The following GULP1 variants were observed in gnomAD, a reference collection of about 807,000 sequenced individuals.
GULP1 encodes PTB domain-containing engulfment adapter protein 1.
Under a neutral mutation model 40.9 loss-of-function variants are expected in GULP1, and 19 were observed. That is an observed-to-expected ratio of 0.46 (90% CI 0.32 to 0.68). GULP1 has a LOEUF of 0.68. GULP1 is among the 30% of genes least tolerant of loss of function. The pLI is 0.03. For synonymous variants in GULP1, 119 were observed against 117.6 expected, an observed-to-expected ratio of 1.01 and a Z score of -0.08; for missense variants, 312 against 362.2, an observed-to-expected ratio of 0.86 and a Z score of 1.12.
intron 1 of GULP1, among the ~76,000 whole-genome samples, chr2:188,331,268 T>G (rs2041539689): frequency 6.6e-6 from 1 of 152,306 alleles, no homozygotes; most frequent in East Asian, 1.9e-4. Flanking sequence ...ACCACATCCC[T>G]GAGACTAGTT....
intron 2 of GULP1, among the ~76,000 whole-genome samples, chr2:188,460,606 T>A (rs1164283540): frequency 6.6e-6 from 1 of 152,146 alleles, no homozygotes; most frequent in African/African-American, 2.4e-5. Flanking sequence ...ATAAAAATAG[T>A]TTGGCTTCTT....
At chr2:188,398,432 T>A (rs1222569154) in intron 2 of GULP1, among the ~76,000 whole-genome samples, 1 of 152,260 alleles carries the variant, frequency 6.6e-6, no homozygotes, top group Non-Finnish European at 1.5e-5. Context: ...TCTATATATG[T>A]AATACATCTG....
chr2:188,430,045 T>C (rs1054023184), intron 2 of GULP1, among the ~76,000 whole-genome samples: 51 of 152,308 alleles, frequency 3.3e-4, no homozygotes, highest in African/African-American at 1.2e-3. Context: ...CAGTGGTTAA[T>C]TTTTATAATT....
At chr2:188,312,512 GTA>G (rs1202844035) in intron 1 of GULP1, among the ~76,000 whole-genome samples, 2 of 152,194 alleles carry the variant, frequency 1.3e-5, no homozygotes, top group Non-Finnish European at 2.9e-5. Context: ...ATTCCATGGT[GTA>G]TATGTACCAC....
chr2:188,379,042 C>G (rs902126496), intron 1 of GULP1, among the ~76,000 whole-genome samples: 3 of 152,052 alleles, frequency 2.0e-5, no homozygotes, highest in African/African-American at 7.2e-5. Context: ...AATAACCAAA[C>G]GTTTCAAGGA....
At chr2:188,511,091 A>G (rs553133784) in intron 4 of GULP1, among the ~76,000 whole-genome samples, 3 of 152,262 alleles carry the variant, frequency 2.0e-5, no homozygotes, top group Admixed American at 1.3e-4. Flanking sequence ...TCCCTATTTT[A>G]TGAATGAGGA....
chr2:188,361,138 T>C (rs138640650), intron 1 of GULP1, among the ~76,000 whole-genome samples: 2 of 152,244 alleles, frequency 1.3e-5, no homozygotes, highest in East Asian at 3.9e-4. Context: ...TTCTGCTTTG[T>C]AAAATTATTT....
At chr2:188,566,168 A>C (rs2153423988) in intron 7 of GULP1, among the ~76,000 whole-genome samples, 1 of 152,230 alleles carries the variant, frequency 6.6e-6, no homozygotes, top group South Asian at 2.1e-4. Flanking sequence ...CCCCACCTCC[A>C]AAAATGTGAT....
At chr2:188,535,082 A>G (rs1247209671) in intron 6 of GULP1, among the ~76,000 whole-genome samples, 1 of 151,146 alleles carries the variant, frequency 6.6e-6, no homozygotes, top group Non-Finnish European at 1.5e-5. Flanking sequence ...ATTATTTAAT[A>G]TTAAAGTAAT....
chr2:188,493,759 C>T (rs1244370734), intron 4 of GULP1, among the ~76,000 whole-genome samples: 3 of 152,058 alleles, frequency 2.0e-5, no homozygotes, highest in Non-Finnish European at 4.4e-5. Context: ...AAAGGGAATA[C>T]ATTGGTTTAC....
intron 2 of GULP1, among the ~76,000 whole-genome samples, chr2:188,392,501 TCTAG>T (rs1391803497): frequency 6.6e-6 from 1 of 152,078 alleles, no homozygotes; most frequent in Non-Finnish European, 1.5e-5. Flanking sequence ...TCTTTGTTAA[TCTAG>T]CTAATGGTCT....
At chr2:188,381,530 A>G (rs1174988980) in intron 1 of GULP1, among the ~76,000 whole-genome samples, 4 of 152,224 alleles carry the variant, frequency 2.6e-5, no homozygotes, top group African/African-American at 4.8e-5. Context: ...TAAGGAAAAT[A>G]TTTTCTTTTA....
At chr2:188,443,557 A>ACTCG (rs2058120030) in intron 2 of GULP1, among the ~76,000 whole-genome samples, 1 of 151,984 alleles carries the variant, frequency 6.6e-6, no homozygotes, top group Admixed American at 6.6e-5. Context: ...AGTTTCACTC[A>ACTCG]TCTAGAACAG....
chr2:188,458,172 A>G (rs930637457), intron 2 of GULP1, among the ~76,000 whole-genome samples: 8 of 152,178 alleles, frequency 5.3e-5, no homozygotes, highest in African/African-American at 1.7e-4. Context: ...CTTATGCTGA[A>G]TGAATTGCTT....
In GULP1 at chr2:188,595,772, C is replaced by T. The variant is rs1189983210; in HGVS notation, c.*1761C>T. ...TACCAATTTTTAATGGTAATCAACT[C>T]TGCTACTGGCATGATGAAATAGTAC... On this transcript the variant is annotated 3_prime_UTR_variant, in exon 12 of 12. Transcript: ENST00000409830. 1 of 152,166 alleles carries T rather than the reference C, an allele frequency of 6.6e-6. No individual in the cohort carries two copies. The highest frequency in any genetic ancestry group is 1.9e-4 in the East Asian group (1 of 5,184). 9.4% of individuals were successfully genotyped at this position (152,166 alleles called of 1,614,324 possible).
intron 4 of GULP1, among the ~76,000 whole-genome samples, chr2:188,495,696 C>T (rs528553237): frequency 2.0e-5 from 3 of 151,984 alleles, no homozygotes; most frequent in East Asian, 1.9e-4. Context: ...GCAAATAATA[C>T]CTTCTTTATA....
chr2:188,464,589 T>G (rs1036390725), intron 2 of GULP1, among the ~76,000 whole-genome samples: 3 of 152,178 alleles, frequency 2.0e-5, no homozygotes, highest in Admixed American at 2.0e-4. Flanking sequence ...TTCTTTCCTT[T>G]AGGGCAGTGA....
chr2:188,489,838 C>A (rs1224698556), intron 4 of GULP1, among the ~76,000 whole-genome samples: 1 of 151,982 alleles, frequency 6.6e-6, no homozygotes, highest in African/African-American at 2.4e-5. Flanking sequence ...GAATTTTATT[C>A]AATTGTGATT....
At chr2:188,396,451 A>G (rs2051288169) in intron 2 of GULP1, among the ~76,000 whole-genome samples, 1 of 152,192 alleles carries the variant, frequency 6.6e-6, no homozygotes, top group Non-Finnish European at 1.5e-5. Context: ...GCGGGGAGTA[A>G]CAGGTGGCAG....
Sources: gnomAD v4.1 joint callset for allele counts (sites outside exome capture counted in the v4.1 genomes callset) on GRCh38, gnomAD v4.1.1 for gene constraint, MANE v1.5 for transcripts, NCBI Gene and HGNC (gene_info 2026-07-23, HGNC 2026-07-21) for gene names.